EPHA6: variants seen among roughly 807,000 people sequenced by gnomAD.
EPHA6 encodes the protein EPH receptor A6, also known as ephrin type-A receptor 6.
EPHA6 carries 50 observed loss-of-function variants against 112.0 expected under a neutral mutation model. That is an observed-to-expected ratio of 0.45 (90% confidence interval 0.36 to 0.56). EPHA6 has a LOEUF of 0.56. Among genes scored for constraint, EPHA6 ranks in the 20% least tolerant of loss-of-function variants. The pLI is 0.00. For missense variants in EPHA6, 1,280 were observed against 1,417.4 expected, an observed-to-expected ratio of 0.90 and a Z score of 1.56; for synonymous variants, 529 against 490.7, an observed-to-expected ratio of 1.08 and a Z score of -1.03.
At chr3:97,398,707 T>C (rs867279082) in intron 5 of EPHA6, among the ~76,000 whole-genome samples, 11 of 151,532 alleles carry the variant, frequency 7.3e-5, no homozygotes, top group South Asian at 2.1e-4. Flanking sequence ...AAGAGTAGTC[T>C]CTCTGTTTAA....
intron 5 of EPHA6, among the ~76,000 whole-genome samples, chr3:97,363,611 T>TA (rs1355859777): frequency 6.6e-6 from 1 of 151,980 alleles, no homozygotes; most frequent in Admixed American, 6.6e-5. Context: ...TTCAAAACAT[T>TA]AAAAATATAA....
intron 14 of EPHA6, among the ~76,000 whole-genome samples, chr3:97,705,306 C>T (rs1447948346): frequency 6.6e-6 from 1 of 152,108 alleles, no homozygotes; most frequent in African/African-American, 2.4e-5. Context: ...ATTCATCTAA[C>T]TCTATTCATC....
intron 7 of EPHA6, among the ~76,000 whole-genome samples, chr3:97,473,835 C>T (rs1338089555): frequency 6.6e-6 from 1 of 151,724 alleles, no homozygotes; most frequent in East Asian, 1.9e-4. Flanking sequence ...GGATAAGATG[C>T]AACTATTTAA....
chr3:97,491,158 C>G (rs2091827949), intron 10 of EPHA6, among the ~76,000 whole-genome samples: 1 of 152,044 alleles, frequency 6.6e-6, no homozygotes, highest in Non-Finnish European at 1.5e-5. Context: ...GATACTAGAC[C>G]CTCCCCACAC....
intron 7 of EPHA6, among the ~76,000 whole-genome samples, chr3:97,471,660 T>G (rs925178591): frequency 6.6e-6 from 1 of 151,630 alleles, no homozygotes; most frequent in Non-Finnish European, 1.5e-5. Flanking sequence ...TTCACGTACA[T>G]TGTATAGCTA....
At chr3:96,829,116 A>G (rs1246854677) in intron 1 of EPHA6, among the ~76,000 whole-genome samples, 1 of 152,112 alleles carries the variant, frequency 6.6e-6, no homozygotes, top group Non-Finnish European at 1.5e-5. Context: ...GGTATGAAGA[A>G]CAAGCACTTC....
At chr3:97,265,485 T>C (rs1048929168) in intron 5 of EPHA6, among the ~76,000 whole-genome samples, 1 of 152,272 alleles carries the variant, frequency 6.6e-6, no homozygotes, top group East Asian at 1.9e-4. Context: ...CCGGCAGGGC[T>C]GTGACAGCGC....
chr3:97,575,783 G>A (rs893438381), intron 11 of EPHA6, among the ~76,000 whole-genome samples: 6 of 152,048 alleles, frequency 3.9e-5, no homozygotes, highest in African/African-American at 1.2e-4. Context: ...ATATAAGCAC[G>A]GAAATTAAAT....
Position 97,475,406 on chromosome 3 carries a change from T to C in EPHA6, c.1949T>C (p.Val650Ala), listed in dbSNP as rs763172489. The C allele has an allele frequency of 1.2e-6, 2 of 1,612,460 alleles. No homozygotes were observed. The highest frequency in any genetic ancestry group is 3.3e-5 in the Admixed American group (2 of 59,744). ...ATTCTCGTGATAGCCACCGCCGCTG[T>C]TGGCGGATTCACTCTCCTCGTCATC... ...GQILVIATAA[V>A]GGFTLLVILT... is the part of the protein sequence containing the mutation. Residue 650 changes from valine to alanine, a missense_variant, in exon 8 of 18, where the codon GTT (valine) becomes GCT (alanine). Transcript: ENST00000389672.
chr3:96,943,895 G>A (rs1179851288), intron 2 of EPHA6, among the ~76,000 whole-genome samples: 1 of 152,130 alleles, frequency 6.6e-6, no homozygotes, highest in Non-Finnish European at 1.5e-5. Flanking sequence ...AATTTGAGAT[G>A]TTGGAAATTA....
chr3:97,436,605 T>G (rs534059455), intron 6 of EPHA6, among the ~76,000 whole-genome samples: 1 of 152,310 alleles, frequency 6.6e-6, no homozygotes, highest in Non-Finnish European at 1.5e-5. Context: ...GACAAATGTG[T>G]GACTTTACAT....
chr3:97,645,076 A>C (rs1277014877), intron 14 of EPHA6, among the ~76,000 whole-genome samples: 10 of 152,132 alleles, frequency 6.6e-5, no homozygotes, highest in Non-Finnish European at 1.5e-4. Flanking sequence ...GCATATCAAA[A>C]AGCTTATCCA....
At chr3:97,320,514 T>A (rs561351415) in intron 5 of EPHA6, among the ~76,000 whole-genome samples, 1 of 151,900 alleles carries the variant, frequency 6.6e-6, no homozygotes, top group Non-Finnish European at 1.5e-5. Context: ...GAATGAGGAA[T>A]ATGATAGCTG....
intron 2 of EPHA6, among the ~76,000 whole-genome samples, chr3:96,871,485 A>T (rs2036619453): frequency 6.6e-6 from 1 of 152,010 alleles, no homozygotes; most frequent in Non-Finnish European, 1.5e-5. Context: ...TTTTTCCAGA[A>T]TCATGTTTTA....
intron 3 of EPHA6, among the ~76,000 whole-genome samples, chr3:97,052,468 A>C (rs2045715280): frequency 1.3e-5 from 2 of 152,042 alleles, no homozygotes; most frequent in South Asian, 4.1e-4. Flanking sequence ...GAAGAAAGAG[A>C]CTATGCTACA....
chr3:97,395,230 C>T (rs187486219), intron 5 of EPHA6, among the ~76,000 whole-genome samples: 3 of 151,682 alleles, frequency 2.0e-5, no homozygotes, highest in African/African-American at 4.8e-5. Flanking sequence ...CAACCACATG[C>T]AGGAAATAGA....
chr3:97,532,298 A>G, intron 10 of EPHA6, 60 bp from the exon 11 acceptor site: 1 of 1,441,898 alleles, frequency 6.9e-7, no homozygotes, highest in Non-Finnish European at 9.4e-7. Context: ...TGACAGTTTG[A>G]CTCTTCTGAA....
intron 3 of EPHA6, among the ~76,000 whole-genome samples, chr3:97,210,488 T>A (rs2077839035): frequency 6.6e-6 from 1 of 152,122 alleles, no homozygotes; most frequent in Non-Finnish European, 1.5e-5. Flanking sequence ...GATTACAGTT[T>A]GAGATGAGAT....
chr3:97,708,616 A>G (rs150248603), intron 14 of EPHA6, among the ~76,000 whole-genome samples: 2 of 152,364 alleles, frequency 1.3e-5, no homozygotes, highest in Non-Finnish European at 2.9e-5. Flanking sequence ...TCAAATGTTA[A>G]TCGCCAAGAC....
Sources: gnomAD v4.1 joint callset for allele counts (sites outside exome capture counted in the v4.1 genomes callset) on GRCh38, gnomAD v4.1.1 for gene constraint, MANE v1.5 for transcripts, NCBI Gene and HGNC (gene_info 2026-07-23, HGNC 2026-07-21) for gene names.